The following TEX9 variants were observed in gnomAD, a reference collection of about 807,000 sequenced individuals.
TEX9 encodes testis-expressed protein 9.
TEX9 carries 74 observed loss-of-function variants against 59.6 expected under a neutral mutation model. The ratio of observed to expected loss-of-function variants is 1.24; its 90% CI spans 1.03 to 1.51. TEX9 has a LOEUF of 1.51. Among genes scored for constraint, TEX9 ranks in the 40% most tolerant of loss-of-function variants. The pLI is 0.00. For missense variants in TEX9, 522 were observed against 447.8 expected (o/e 1.17, Z -1.49); for synonymous variants, 186 against 152.2 (o/e 1.22, Z -1.64).
chr15:56,279,597 T>C (rs1371798889), intron 1 of TEX9, among the ~76,000 whole-genome samples: 1 of 152,172 alleles, frequency 6.6e-6, no homozygotes, highest in Non-Finnish European at 1.5e-5. Flanking sequence ...ATCTAAAAGT[T>C]AACACCTAAT....
intron 1 of TEX9, among the ~76,000 whole-genome samples, chr15:56,319,676 C>G (rs2045859682): frequency 6.6e-6 from 1 of 152,118 alleles, no homozygotes; most frequent in African/African-American, 2.4e-5. Context: ...AATGGCAGCA[C>G]CAAATGAGAG....
chr15:56,367,203 G>C (rs2046985330), intron 2 of TEX9, among the ~76,000 whole-genome samples: 1 of 152,174 alleles, frequency 6.6e-6, no homozygotes, highest in South Asian at 2.1e-4. Context: ...ATGGTGGCCA[G>C]TTGTTACTTG....
rs752613858 is a variant in TEX9 at position 56,444,591 on chromosome 15, C to T, written c.*30-1080C>T. On this transcript the variant is annotated intron_variant, in intron 12 of 12. Transcript: ENST00000352903. ...ATAGTACTGTGCTTTCGCTTTGTTT[C>T]GTTTGTCTTCTGCAGCATTCTCTTC... 18 of 1,612,592 alleles carry T rather than the reference C, an allele frequency of 1.1e-5. No individual in the cohort carries two copies. The highest frequency in any genetic ancestry group is 9.4e-5 in the African/African-American group (7 of 74,684).
At chr15:56,338,531 A>C (rs1464541806) in intron 1 of TEX9, among the ~76,000 whole-genome samples, 2 of 151,938 alleles carry the variant, frequency 1.3e-5, no homozygotes, top group African/African-American at 4.8e-5. Flanking sequence ...GTGTAGGCTG[A>C]GGCACTTTGG....
chr15:56,443,035 ATCT>A (rs1443225662), intron 12 of TEX9, among the ~76,000 whole-genome samples: 3 of 152,156 alleles, frequency 2.0e-5, no homozygotes, highest in Non-Finnish European at 2.9e-5. Context: ...GGACTATGAC[ATCT>A]TCTAGATGAA....
At chr15:56,277,872 C>G (rs1294510732) in intron 1 of TEX9, among the ~76,000 whole-genome samples, 1 of 152,176 alleles carries the variant, frequency 6.6e-6, no homozygotes, top group Non-Finnish European at 1.5e-5. Context: ...TGACATTCCT[C>G]CAATTTGTGG....
chr15:56,428,965 T>A (rs80310410), intron 12 of TEX9: 5,746 of 566,156 alleles, frequency 0.01, 245 homozygotes, highest in African/African-American at 0.094. Flanking sequence ...TGTTTACAAG[T>A]TATGAAATTC....
At chr15:56,388,032 A>G (rs1181835361) in intron 4 of TEX9, among the ~76,000 whole-genome samples, 2 of 152,054 alleles carry the variant, frequency 1.3e-5, no homozygotes, top group African/African-American at 2.4e-5. Flanking sequence ...AACAAGGCAG[A>G]CGTGATTTCT....
Position 56,414,785 on chromosome 15 carries a change from A to G in TEX9, c.963+2349A>G, listed in dbSNP as rs752043371. ...TAATGAGATTGCTGGGTCCAATGGTAGTTCTGCTTTTACCTCTTTGAGGAG... is the reference window on the plus strand; with the variant it reads ...TAATGAGATTGCTGGGTCCAATGGTGGTTCTGCTTTTACCTCTTTGAGGAG... On this transcript the variant is annotated intron_variant, in intron 10 of 12. Coordinates refer to ENST00000352903, the Ensembl canonical transcript of TEX9. 3.9e-4 allele frequency among the ~76,000 whole-genome samples: 60 copies of G among 151,916 alleles called. 1 individual carries two copies. The highest frequency in any genetic ancestry group is 3.4e-3 in the Middle Eastern group (1 of 294).
At chr15:56,251,394 G>A (rs915059010) in intron 1 of TEX9, among the ~76,000 whole-genome samples, 1 of 152,086 alleles carries the variant, frequency 6.6e-6, no homozygotes, top group Non-Finnish European at 1.5e-5. Context: ...TGGCCCCCTA[G>A]TTGGAACAGG....
intron 1 of TEX9, among the ~76,000 whole-genome samples, chr15:56,320,314 A>G (rs1431811942): frequency 6.6e-6 from 1 of 152,234 alleles, no homozygotes; most frequent in Non-Finnish European, 1.5e-5. Context: ...CCATAGACTG[A>G]GTAGCTTAGA....
At chr15:56,312,010 ATTTG>A (rs1376109582) in intron 1 of TEX9, among the ~76,000 whole-genome samples, 12 of 151,450 alleles carry the variant, frequency 7.9e-5, no homozygotes, top group African/African-American at 2.7e-4. Flanking sequence ...TTTCTTGTAA[ATTTG>A]TTTGAGTTCA....
At chr15:56,332,908 T>C (rs1269619832) in intron 1 of TEX9, among the ~76,000 whole-genome samples, 1 of 152,082 alleles carries the variant, frequency 6.6e-6, no homozygotes, top group Non-Finnish European at 1.5e-5. Flanking sequence ...GCTAATAAAT[T>C]GGAAAATCTA....
At chr15:56,247,572 C>T (rs2043890848) in intron 1 of TEX9, among the ~76,000 whole-genome samples, 1 of 152,008 alleles carries the variant, frequency 6.6e-6, no homozygotes, top group Non-Finnish European at 1.5e-5. Flanking sequence ...ATGCATAGCA[C>T]GGTGTTGACT....
At chr15:56,425,895 T>C (rs1567141105) in intron 10 of TEX9, among the ~76,000 whole-genome samples, 2 of 152,190 alleles carry the variant, frequency 1.3e-5, no homozygotes, top group African/African-American at 2.4e-5. Flanking sequence ...GTGTAAAGTC[T>C]TGAGGTCCTC....
chr15:56,332,569 T>G (rs1461807323), intron 1 of TEX9, among the ~76,000 whole-genome samples: 2 of 150,914 alleles, frequency 1.3e-5, no homozygotes, highest in Non-Finnish European at 2.9e-5. Flanking sequence ...TGTATACATA[T>G]GTAACTAACC....
intron 1 of TEX9, among the ~76,000 whole-genome samples, chr15:56,254,543 T>C (rs530565777): frequency 6.6e-6 from 1 of 151,338 alleles, no homozygotes; most frequent in Non-Finnish European, 1.5e-5. Flanking sequence ...TCCCCAGCAA[T>C]ATGCCCTTCC....
chr15:56,444,520 C>T, intron 12 of TEX9: 1 of 1,612,252 alleles, frequency 6.2e-7, no homozygotes, highest in Non-Finnish European at 8.5e-7. Context: ...TCATAAGCTT[C>T]CTGCTTTTTT....
At chr15:56,375,576 A>G (rs1303175317) in intron 3 of TEX9, among the ~76,000 whole-genome samples, 6 of 152,174 alleles carry the variant, frequency 3.9e-5, no homozygotes, top group African/African-American at 1.4e-4. Context: ...TGTTTTAGAC[A>G]TGAAGTCCTT....
Sources: gnomAD v4.1 joint callset for allele counts (sites outside exome capture counted in the v4.1 genomes callset) on GRCh38, gnomAD v4.1.1 for gene constraint, MANE v1.5 for transcripts, NCBI Gene and HGNC (gene_info 2026-07-23, HGNC 2026-07-21) for gene names.